PRKN: variants seen among roughly 807,000 people sequenced by gnomAD.
PRKN encodes the protein E3 ubiquitin-protein ligase parkin.
A neutral mutation model predicts 59.5 loss-of-function variants in PRKN; 56 were observed. The ratio of observed to expected loss-of-function variants is 0.94; its 90% CI spans 0.76 to 1.18. The LOEUF is 1.18. Among genes scored for constraint, PRKN ranks in the 50% most tolerant of loss-of-function variants. The probability of loss-of-function intolerance (pLI) is 0.00; values close to 1 mark genes in which losing one functional copy is unlikely to be tolerated. For missense variants in PRKN, 657 were observed against 596.4 expected (o/e 1.10, Z -1.06); for synonymous variants, 250 against 222.1 (o/e 1.13, Z -1.12).
intron 9 of PRKN, among the ~76,000 whole-genome samples, chr6:161,389,117 C>G (rs896605276): frequency 6.6e-6 from 1 of 152,026 alleles, no homozygotes; most frequent in African/African-American, 2.4e-5. Flanking sequence ...TAATAGAAAC[C>G]AGGATATAAA....
At chr6:161,627,377 CA>C (rs1415971019) in intron 7 of PRKN, among the ~76,000 whole-genome samples, 6 of 152,154 alleles carry the variant, frequency 3.9e-5, no homozygotes, top group Non-Finnish European at 5.9e-5. Flanking sequence ...AAGAGAACAC[CA>C]TGGAATATGG....
chr6:162,644,319 C>A (rs1462719804), intron 1 of PRKN, among the ~76,000 whole-genome samples: 1 of 152,130 alleles, frequency 6.6e-6, no homozygotes, highest in South Asian at 2.1e-4. Flanking sequence ...GCACACACCA[C>A]CAGTCCAGAC....
At chr6:162,185,289 C>A (rs1053550154) in intron 4 of PRKN, among the ~76,000 whole-genome samples, 1 of 152,012 alleles carries the variant, frequency 6.6e-6, no homozygotes, top group African/African-American at 2.4e-5. Context: ...CTTACTTTTT[C>A]CCCCCACTAA....
intron 7 of PRKN, among the ~76,000 whole-genome samples, chr6:161,712,474 T>A (rs1036898338): frequency 6.6e-6 from 1 of 152,186 alleles, no homozygotes; most frequent in African/African-American, 2.4e-5. Flanking sequence ...TTTACGATAC[T>A]TCTGAAACTA....
At chr6:162,695,339 T>C (rs1030065610) in intron 1 of PRKN, among the ~76,000 whole-genome samples, 13 of 152,134 alleles carry the variant, frequency 8.5e-5, no homozygotes, top group African/African-American at 2.9e-4. Context: ...TCAAGGTTGG[T>C]TGCTCACAGG....
intron 5 of PRKN, among the ~76,000 whole-genome samples, chr6:162,024,194 C>CTTTTTTTTTTTTTTTTTTTTT (rs111595639): frequency 1.2e-5 from 1 of 82,062 alleles, no homozygotes; most frequent in Non-Finnish European, 2.1e-5. Flanking sequence ...TCCCCCAACC[C>CTTTTTTTTTTTTTTTTTTTTT]TTTTTTTTTT....
chr6:161,771,375 AAT>A (rs748462669), intron 7 of PRKN, among the ~76,000 whole-genome samples: 1,127 of 58,242 alleles, frequency 0.019, 48 homozygotes, highest in East Asian at 0.071. Flanking sequence ...AAAAAAATAA[AAT>A]AAAATAAAAT....
intron 4 of PRKN, among the ~76,000 whole-genome samples, chr6:162,185,851 T>A (rs1206222680): frequency 6.6e-6 from 1 of 152,148 alleles, no homozygotes; most frequent in Non-Finnish European, 1.5e-5. Flanking sequence ...TTTAAAATAT[T>A]TTAAATGCCT....
chr6:162,337,221 A>G (rs1252303911), intron 2 of PRKN, among the ~76,000 whole-genome samples: 2 of 152,236 alleles, frequency 1.3e-5, no homozygotes, highest in Non-Finnish European at 2.9e-5. Flanking sequence ...ATTAAGCAAG[A>G]GGATTTCAAA....
At chr6:162,248,902 C>CA (rs1228715315) in intron 3 of PRKN, among the ~76,000 whole-genome samples, 2 of 149,336 alleles carry the variant, frequency 1.3e-5, no homozygotes, top group Non-Finnish European at 3.0e-5. Flanking sequence ...TTTTTTAAGA[C>CA]AGAGTCTTGC....
In PRKN at chr6:162,011,434, GT is replaced by G. The variant is rs1562459034; in HGVS notation, c.619-38018del. ...ATATATTATATTTTATAATATATAT[GT>G]TATATATTTATAATATATAATATAT... On this transcript the variant is annotated intron_variant, in intron 5 of 11. Coordinates refer to ENST00000366898, the MANE Select transcript of PRKN (RefSeq NM_004562.3). 3.3e-4 allele frequency among the ~76,000 whole-genome samples: 7 copies of G among 21,498 alleles called. 2 individuals carry two copies. The highest frequency in any genetic ancestry group is 1.1e-3 in the Admixed American group (1 of 874). The allele number at this position is 21,498 out of a possible 152,430, so 14.1% of individuals were successfully genotyped here.
chr6:162,004,031 T>G (rs1782158177), intron 5 of PRKN, among the ~76,000 whole-genome samples: 1 of 152,172 alleles, frequency 6.6e-6, no homozygotes, highest in Admixed American at 6.5e-5. Flanking sequence ...AATTAGGAGT[T>G]GATCTGAAAA....
At position 161,762,088 on chromosome 6, in the gene PRKN, G is replaced by A. The variant is rs1267373992; in HGVS notation, c.871+23684C>T. Among the ~76,000 whole-genome samples the A allele has an allele frequency of 2.6e-5, 4 of 152,260 alleles. No homozygotes were observed. The South Asian group carries it at 8.3e-4, about 32-fold the overall frequency. On this transcript the variant is annotated intron_variant, in intron 7 of 11. Coordinates refer to ENST00000366898, the MANE Select transcript of PRKN (RefSeq NM_004562.3). ...CGGGTGAGGGCTGAAAAAACAACAGGCACACATGAAGTCGTGCTCTGGGAG... is the reference window on the plus strand; with the variant it reads ...CGGGTGAGGGCTGAAAAAACAACAGACACACATGAAGTCGTGCTCTGGGAG...
intron 1 of PRKN, among the ~76,000 whole-genome samples, chr6:162,687,723 A>G (rs1777625690): frequency 6.6e-6 from 1 of 152,110 alleles, no homozygotes. Context: ...AAATTTTCCC[A>G]CCTGTGTTAC....
intron 1 of PRKN, chr6:162,569,067 T>C (rs766309245): frequency 3.5e-5 from 24 of 678,828 alleles, no homozygotes; most frequent in Non-Finnish European, 5.3e-5. Flanking sequence ...AACAGCCACT[T>C]CCTGGACATG....
intron 6 of PRKN, among the ~76,000 whole-genome samples, chr6:161,820,597 A>T (rs1791981310): frequency 6.8e-6 from 1 of 147,936 alleles, no homozygotes; most frequent in Non-Finnish European, 1.5e-5. Flanking sequence ...AATATTACAA[A>T]TATAATTACA....
At position 161,819,308 on chromosome 6, in the gene PRKN, T is replaced by G. The variant is rs576263100; in HGVS notation, c.735-33400A>C. On this transcript the variant is annotated intron_variant, in intron 6 of 11. Coordinates refer to ENST00000366898, the MANE Select transcript of PRKN (RefSeq NM_004562.3). ...GGAGTTCAAGCCAGCCTGGACAACA[T>G]GGTGAAACCCTATCTCTACTAAAAA... 7.2e-5 allele frequency among the ~76,000 whole-genome samples: 11 copies of G among 152,140 alleles called. No individual in the cohort carries two copies. In the East Asian group the frequency reaches 2.1e-3, roughly 29 times the overall value.
At chr6:162,655,954 C>A (rs1169774838) in intron 1 of PRKN, among the ~76,000 whole-genome samples, 1 of 152,110 alleles carries the variant, frequency 6.6e-6, no homozygotes, top group Non-Finnish European at 1.5e-5. Context: ...TCCCTATACA[C>A]CAGGAATTCA....
intron 1 of PRKN, among the ~76,000 whole-genome samples, chr6:162,455,846 G>A (rs1790846228): frequency 1.3e-5 from 2 of 151,906 alleles, no homozygotes; most frequent in Admixed American, 1.3e-4. Flanking sequence ...TTTTCCCAAT[G>A]TTTCAAAATT....
Sources: allele counts gnomAD v4.1 joint callset (sites outside exome capture counted in the v4.1 genomes callset), GRCh38; gene constraint gnomAD v4.1.1; transcripts MANE v1.5; gene names NCBI Gene and HGNC (gene_info 2026-07-23, HGNC 2026-07-21).